The following INPP4B variants were observed in gnomAD, a reference collection of about 807,000 sequenced individuals.
The protein encoded by INPP4B is inositol polyphosphate-4-phosphatase type II B, also known as inositol polyphosphate 4-phosphatase type II.
Under a neutral mutation model 122.5 loss-of-function variants are expected in INPP4B, and 55 were observed. The ratio of observed to expected loss-of-function variants is 0.45; its 90% confidence interval spans 0.36 to 0.56. The LOEUF (loss-of-function observed/expected upper bound fraction) is 0.56. Ranked by LOEUF, INPP4B falls within the 20% of genes least tolerant of loss-of-function variation. The pLI, the probability that INPP4B is intolerant of heterozygous loss-of-function variation, is 0.00. For synonymous variants in INPP4B, 403 were observed against 388.7 expected, an observed-to-expected ratio of 1.04 and a Z score of -0.43; for missense variants, 1,000 against 1,097.7, an observed-to-expected ratio of 0.91 and a Z score of 1.26.
chr4:142,781,289 CAT>C (rs200482478), intron 1 of INPP4B, among the ~76,000 whole-genome samples: 3,092 of 152,318 alleles, frequency 0.02, 100 homozygotes, highest in African/African-American at 0.068. Context: ...CTCCTGTCCA[CAT>C]GTTTCCTCTG....
intron 3 of INPP4B, among the ~76,000 whole-genome samples, chr4:142,439,720 C>G (rs186146779): frequency 9.1e-4 from 139 of 152,298 alleles, no homozygotes; most frequent in Non-Finnish European, 1.5e-3. Context: ...AAATTTAAAA[C>G]TCTCTCTGAG....
At chr4:142,032,701 G>A (rs537850200) in intron 25 of INPP4B, among the ~76,000 whole-genome samples, 27 of 151,632 alleles carry the variant, frequency 1.8e-4, no homozygotes, top group Admixed American at 9.8e-4. Flanking sequence ...GTGGAGTGGC[G>A]TTGAGCATGT....
At chr4:142,580,606 G>T (rs1383115360) in intron 2 of INPP4B, among the ~76,000 whole-genome samples, 1 of 151,976 alleles carries the variant, frequency 6.6e-6, no homozygotes, top group African/African-American at 2.4e-5. Context: ...ACGTGTTTAT[G>T]TGGTCCATTT....
At chr4:142,296,837 A>T (rs1381395997) in intron 9 of INPP4B, among the ~76,000 whole-genome samples, 1 of 152,234 alleles carries the variant, frequency 6.6e-6, no homozygotes, top group Non-Finnish European at 1.5e-5. Flanking sequence ...AAAATGGCTG[A>T]TGTTAGAGCC....
chr4:142,830,941 G>A (rs1782054158), intron 1 of INPP4B, among the ~76,000 whole-genome samples: 1 of 151,706 alleles, frequency 6.6e-6, no homozygotes, highest in African/African-American at 2.4e-5. Context: ...AGGATCAGTT[G>A]GGCCCAGGAA....
At chr4:142,172,073 T>C (rs1380091924) in intron 16 of INPP4B, among the ~76,000 whole-genome samples, 2 of 151,980 alleles carry the variant, frequency 1.3e-5, no homozygotes, top group Non-Finnish European at 2.9e-5. Flanking sequence ...TCCTCTTTTT[T>C]CTTTTTCCCT....
intron 23 of INPP4B, among the ~76,000 whole-genome samples, chr4:142,105,143 C>T (rs1040344263): frequency 6.6e-6 from 1 of 152,118 alleles, no homozygotes; most frequent in African/African-American, 2.4e-5. Context: ...GGCCACCCTG[C>T]CCTACCAAGA....
intron 10 of INPP4B, among the ~76,000 whole-genome samples, chr4:142,267,247 T>C (rs1388483737): frequency 6.6e-6 from 1 of 151,964 alleles, no homozygotes; most frequent in African/African-American, 2.4e-5. Flanking sequence ...GCTTGAAGAG[T>C]CAAAGTTATC....
At chr4:142,284,104 T>G (rs775019455) in intron 9 of INPP4B, among the ~76,000 whole-genome samples, 1 of 152,174 alleles carries the variant, frequency 6.6e-6, no homozygotes, top group South Asian at 2.1e-4. Context: ...GCTGTTTAGC[T>G]GCTAAAGTAA....
intron 2 of INPP4B, among the ~76,000 whole-genome samples, chr4:142,554,547 G>A (rs1451320162): frequency 6.6e-6 from 1 of 152,120 alleles, no homozygotes; most frequent in African/African-American, 2.4e-5. Context: ...TTAACTACTG[G>A]ACAAGGTACT....
chr4:142,244,124 A>G (rs1182280832), intron 11 of INPP4B, among the ~76,000 whole-genome samples: 1 of 147,598 alleles, frequency 6.8e-6, no homozygotes, highest in Non-Finnish European at 1.5e-5. Context: ...ATGTGTTCTC[A>G]CTGTTCAACT....
At chr4:142,778,464 T>C (rs1026690953) in intron 1 of INPP4B, among the ~76,000 whole-genome samples, 1 of 152,164 alleles carries the variant, frequency 6.6e-6, no homozygotes, top group African/African-American at 2.4e-5. Flanking sequence ...TACATAAAGT[T>C]TTATAGCACA....
At position 142,630,984 on chromosome 4, in the gene INPP4B, C is replaced by A. The variant is rs571937000; in HGVS notation, c.-191+94855G>T. On this transcript the variant is annotated intron_variant, in intron 2 of 25. Transcript: ENST00000262992. Reference sequence around the variant, plus strand: ...TGACCAGGTGCCTGGCAGGAGCTAACATAAATCCTCTCTGCAGAAAAATGA... The same window carrying A: ...TGACCAGGTGCCTGGCAGGAGCTAAAATAAATCCTCTCTGCAGAAAAATGA... 2.6e-5 allele frequency among the ~76,000 whole-genome samples: 4 copies of A among 152,212 alleles called. No homozygotes were observed. The South Asian group carries it at 8.3e-4, about 32-fold the overall frequency.
chr4:142,394,299 C>T (rs561643351), intron 7 of INPP4B, among the ~76,000 whole-genome samples: 1 of 152,280 alleles, frequency 6.6e-6, no homozygotes, highest in East Asian at 1.9e-4. Flanking sequence ...GCTCCTGTCA[C>T]CACGCCCGGC....
At chr4:142,537,421 TATATATATAGAGAG>T (rs1397359986) in intron 2 of INPP4B, among the ~76,000 whole-genome samples, 15 of 52,878 alleles carry the variant, frequency 2.8e-4, no homozygotes, top group East Asian at 5.8e-4. Context: ...TATATATATA[TATATATATAGAGAG>T]AGAGAGAGAG....
In INPP4B at chr4:142,298,496, C is replaced by A. The variant is rs547478341; in HGVS notation, c.503+6962G>T. Among the ~76,000 whole-genome samples, 29 of 151,782 alleles carry A rather than the reference C, an allele frequency of 1.9e-4. No homozygotes were observed. In the South Asian group the frequency reaches 6.1e-3, roughly 32 times the overall value. ...GGTCAGGAGATCAAGACAAGCCTGG[C>A]CAAGATGGTGAAACCCTGTCTCTAC... On this transcript the variant is annotated intron_variant, in intron 9 of 25. Coordinates refer to ENST00000262992, the MANE Select transcript of INPP4B (RefSeq NM_001101669.3).
At chr4:142,578,794 G>A (rs1382904780) in intron 2 of INPP4B, among the ~76,000 whole-genome samples, 4 of 151,926 alleles carry the variant, frequency 2.6e-5, no homozygotes, top group Admixed American at 2.6e-4. Context: ...AATACAACAC[G>A]AATGAGCTTA....
intron 22 of INPP4B, among the ~76,000 whole-genome samples, chr4:142,112,293 G>A (rs1013058421): frequency 6.6e-6 from 1 of 152,144 alleles, no homozygotes; most frequent in African/African-American, 2.4e-5. Flanking sequence ...GTTAATCCAT[G>A]CAAATGCTTT....
chr4:142,205,078 A>T (rs1842117592), intron 14 of INPP4B, among the ~76,000 whole-genome samples: 1 of 152,090 alleles, frequency 6.6e-6, no homozygotes, highest in African/African-American at 2.4e-5. Flanking sequence ...AAATCAGAGA[A>T]TCAGAAACTA....
Sources: gnomAD v4.1 joint callset for allele counts (sites outside exome capture counted in the v4.1 genomes callset) on GRCh38, gnomAD v4.1.1 for gene constraint, MANE v1.5 for transcripts, NCBI Gene and HGNC (gene_info 2026-07-23, HGNC 2026-07-21) for gene names.